OR51B5: variants seen among roughly 807,000 people sequenced by gnomAD.
The protein encoded by OR51B5 is olfactory receptor 51B5.
For missense variants in OR51B5, 456 were observed against 374.6 expected, an observed-to-expected ratio of 1.22 and a Z score of -1.79; for synonymous variants, 186 against 144.8, an observed-to-expected ratio of 1.28 and a Z score of -2.04.
chr11:5,392,562 A>C (rs1413872373), intron 1 of OR51B5: 1 of 152,262 alleles, frequency 6.6e-6, no homozygotes, highest in Non-Finnish European at 1.5e-5. Context: ...TCAAATTTAA[A>C]ATGCAAATTA....
chr11:5,393,154 C>T (rs559917760), intron 1 of OR51B5: 1 of 152,100 alleles, frequency 6.6e-6, no homozygotes, highest in South Asian at 2.1e-4. Flanking sequence ...AATTTTTTTC[C>T]TGTTTGCTCA....
rs374809680 is a variant in OR51B5, at chr11:5,452,122, T to C, written n.84+53447A>G. 4.6e-5 allele frequency among the ~76,000 whole-genome samples: 7 copies of C among 152,270 alleles called. No homozygotes were observed. The South Asian group carries it at 8.3e-4, about 18-fold the overall frequency. On this transcript the variant is annotated intron_variant and non_coding_transcript_variant, in intron 1 of 4. Coordinates refer to the OR51B5 transcript ENST00000415970. ...TTGTGTGAGTATACAAATCTATGTG[T>C]CTATGAGTGTGTATACATGTATAAA...
upstream of OR51B5, among the ~76,000 whole-genome samples, chr11:5,344,492 T>C (rs560448907): frequency 6.6e-6 from 1 of 152,292 alleles, no homozygotes; most frequent in South Asian, 2.1e-4. Context: ...TTCTCCCCAA[T>C]ACTGAGTGAG....
chr11:5,354,835 C>T, intron 1 of OR51B5: 1 of 194,224 alleles, frequency 5.1e-6, no homozygotes, highest in Non-Finnish European at 1.1e-5. Context: ...CTTCAAGCCA[C>T]AAGAAGCAGA....
At chr11:5,374,045 C>A (rs1348319828) in intron 1 of OR51B5, among the ~76,000 whole-genome samples, 4 of 152,106 alleles carry the variant, frequency 2.6e-5, no homozygotes, top group Non-Finnish European at 5.9e-5. Context: ...GGTCCCTGAC[C>A]CCTGACCCCC....
chr11:5,372,705 T>A (rs1225300327), intron 1 of OR51B5, among the ~76,000 whole-genome samples: 2 of 152,242 alleles, frequency 1.3e-5, no homozygotes, highest in East Asian at 3.8e-4. Context: ...TCTCCCAAAC[T>A]GTTCCTTTTG....
intron 1 of OR51B5, among the ~76,000 whole-genome samples, chr11:5,418,877 T>TAAAAAAAAAAAAA (rs10636129): frequency 1.5e-5 from 2 of 133,636 alleles, no homozygotes. Context: ...TGAAGTATTA[T>TAAAAAAAAAAAAA]AAAAAAAAAA....
At chr11:5,381,729 C>A (rs1192135543) in intron 1 of OR51B5, among the ~76,000 whole-genome samples, 3 of 152,024 alleles carry the variant, frequency 2.0e-5, no homozygotes, top group Non-Finnish European at 2.9e-5. Flanking sequence ...TATGATAAAA[C>A]AAATCTAAAG....
upstream of OR51B5, among the ~76,000 whole-genome samples, chr11:5,345,555 T>C (rs1344400382): frequency 6.6e-6 from 1 of 152,174 alleles, no homozygotes; most frequent in African/African-American, 2.4e-5. Flanking sequence ...GGGATACATA[T>C]TCACTTGTGA....
intron 1 of OR51B5, among the ~76,000 whole-genome samples, chr11:5,367,445 T>G (rs1246192295): frequency 6.6e-6 from 1 of 152,206 alleles, no homozygotes; most frequent in African/African-American, 2.4e-5. Flanking sequence ...GGTGGATTAT[T>G]CATGCCTCCC....
In OR51B5 at chr11:5,366,642, AGGAAGGAAG is replaced by A. The variant is rs200568137; in HGVS notation, n.85-19741_85-19733del. ...GAGAAAGAGAGAGAGGTAGGGAGGG[AGGAAGGAAG>A]GGAAGGAAAGGAAGGAAGAGAAGAA... is the stretch of plus-strand genomic sequence containing the variant. On this transcript the variant is annotated intron_variant and non_coding_transcript_variant, in intron 1 of 4. Transcript: ENST00000415970. 5.9e-3 allele frequency among the ~76,000 whole-genome samples: 888 copies of A among 151,050 alleles called. 14 individuals are homozygous for A. Among genetic ancestry groups the A allele is most frequent in the African/African-American group, 0.02 (808 of 41,068 alleles).
chr11:5,366,758 C>CTT (rs1849376145), intron 1 of OR51B5, among the ~76,000 whole-genome samples: 2 of 152,030 alleles, frequency 1.3e-5, no homozygotes, highest in Non-Finnish European at 2.9e-5. Flanking sequence ...AGGGTATTCA[C>CTT]TTGAGATTCA....
At chr11:5,347,829 T>C (rs1325880649), upstream of OR51B5, among the ~76,000 whole-genome samples, 1 of 151,976 alleles carries the variant, frequency 6.6e-6, no homozygotes, top group Non-Finnish European at 1.5e-5. Flanking sequence ...ACAATAATTA[T>C]CTAAATCAGG....
upstream of OR51B5, chr11:5,343,716 A>T (rs773387239): frequency 1.4e-5 from 7 of 488,096 alleles, no homozygotes; most frequent in Non-Finnish European, 2.5e-5. Flanking sequence ...TCTTAACTGC[A>T]CATTCCAGGA....
intron 1 of OR51B5, chr11:5,351,864 C>CTGTT (rs1225662963): frequency 1.5e-5 from 25 of 1,613,308 alleles, no homozygotes; most frequent in Non-Finnish European, 2.1e-5. Context: ...TGGCTTATGA[C>CTGTT]TGTTTCATTA....
chr11:5,345,780 C>T (rs758535337), upstream of OR51B5: 1 of 151,972 alleles, frequency 6.6e-6, no homozygotes, highest in Non-Finnish European at 1.5e-5. Flanking sequence ...TACCTTCCAC[C>T]CATAGAGATG....
At chr11:5,444,066 C>A (rs964430976) in intron 1 of OR51B5, among the ~76,000 whole-genome samples, 1 of 152,112 alleles carries the variant, frequency 6.6e-6, no homozygotes, top group Non-Finnish European at 1.5e-5. Flanking sequence ...TTCAAATATT[C>A]TCTTATTTTT....
intron 1 of OR51B5, chr11:5,468,566 G>A (rs770229096): frequency 1.6e-5 from 7 of 426,386 alleles, no homozygotes; most frequent in Non-Finnish European, 2.8e-5. Flanking sequence ...ATTGGGTAGA[G>A]CATTGGAGGT....
At chr11:5,395,618 T>C (rs1849857150) in intron 1 of OR51B5, among the ~76,000 whole-genome samples, 1 of 152,180 alleles carries the variant, frequency 6.6e-6, no homozygotes, top group Admixed American at 6.5e-5. Context: ...CTCCAATTGA[T>C]GAAGCTTCTA....
Sources: gnomAD v4.1 joint callset for allele counts (sites outside exome capture counted in the v4.1 genomes callset) on GRCh38, gnomAD v4.1.1 for gene constraint, MANE v1.5 for transcripts, NCBI Gene and HGNC (gene_info 2026-07-23, HGNC 2026-07-21) for gene names.